The following TENM1 variants were observed in gnomAD, a reference collection of about 807,000 sequenced individuals.
TENM1 encodes teneurin-1.
Under a neutral mutation model 174.8 loss-of-function variants are expected in TENM1, and 35 were observed. That is an observed-to-expected ratio of 0.20 (90% CI 0.15 to 0.27). The LOEUF (loss-of-function observed/expected upper bound fraction) is 0.27, where lower values mean the gene tolerates loss of function less well. TENM1 is among the 10% of genes least tolerant of loss of function. TENM1 has a pLI of 1.00. For missense variants in TENM1, 1,633 were observed against 2,130.1 expected (o/e 0.77, Z 4.59); for synonymous variants, 781 against 798.7 (o/e 0.98, Z 0.37).
At chrX:125,144,013 T>G in the TENM1 span, among the ~76,000 whole-genome samples, 1 of 111,884 alleles carries the variant, frequency 8.9e-6, no homozygotes, top group Non-Finnish European at 1.9e-5. Flanking sequence ...TGTTCCCCAC[T>G]GAATTGTAGA....
At chrX:125,125,971 C>A in the TENM1 span, among the ~76,000 whole-genome samples, 1 of 111,594 alleles carries the variant, frequency 9.0e-6, no homozygotes, top group Non-Finnish European at 1.9e-5. Flanking sequence ...TATGCTAGTC[C>A]CAAAGCATTT....
At chrX:124,445,231 A>G (rs1024289339) in intron 23 of TENM1, among the ~76,000 whole-genome samples, 1 of 111,839 alleles carries the variant, frequency 8.9e-6, no homozygotes, top group Non-Finnish European at 1.9e-5. Context: ...GTGAAAGTTA[A>G]AGGAAGACAA....
At chrX:124,547,358 T>A (rs975151522) in intron 14 of TENM1, among the ~76,000 whole-genome samples, 1 of 112,127 alleles carries the variant, frequency 8.9e-6, no homozygotes, top group African/African-American at 3.2e-5. Flanking sequence ...ATAGTTTATA[T>A]AGTTATTGTT....
At chrX:124,550,081 C>T (rs779216276) in intron 14 of TENM1, among the ~76,000 whole-genome samples, 1 of 111,387 alleles carries the variant, frequency 9.0e-6, no homozygotes, top group East Asian at 2.8e-4. Context: ...GGAGGTTACA[C>T]TGACTTGAAG....
At chrX:124,750,587 G>A (rs1311122867) in intron 3 of TENM1, among the ~76,000 whole-genome samples, 1 of 111,522 alleles carries the variant, frequency 9.0e-6, no homozygotes, top group Non-Finnish European at 1.9e-5. Flanking sequence ...AGTCATTATT[G>A]TTAAGAATGT....
chrX:124,735,005 G>A (rs2053638960), intron 4 of TENM1, among the ~76,000 whole-genome samples: 1 of 111,674 alleles, frequency 9.0e-6, no homozygotes, highest in African/African-American at 3.3e-5. Flanking sequence ...AGACAGCCTA[G>A]GAAAAAACTC....
chrX:124,596,354 G>C (rs766049035), intron 11 of TENM1, among the ~76,000 whole-genome samples: 14 of 111,602 alleles, frequency 1.3e-4, no homozygotes, highest in African/African-American at 4.6e-4. Context: ...CCTTCCTTTT[G>C]ACTTTTCATT....
chrX:124,588,133 G>A (rs770840780), intron 11 of TENM1, among the ~76,000 whole-genome samples: 3 of 111,049 alleles, frequency 2.7e-5, no homozygotes, highest in South Asian at 3.8e-4. Context: ...TTAGTGTAGC[G>A]ATTTCCTCGG....
intron 6 of TENM1, among the ~76,000 whole-genome samples, chrX:124,660,665 C>A (rs1218382636): frequency 9.0e-6 from 1 of 111,693 alleles, no homozygotes; most frequent in Non-Finnish European, 1.9e-5. Context: ...ATAAAAACCA[C>A]AATGAGATAC....
the TENM1 span, among the ~76,000 whole-genome samples, chrX:125,191,881 A>C: frequency 1.8e-5 from 2 of 111,566 alleles, no homozygotes; most frequent in Non-Finnish European, 3.8e-5. Flanking sequence ...GAAGACATGA[A>C]TGGATTGGTA....
intron 3 of TENM1, among the ~76,000 whole-genome samples, chrX:124,858,938 G>C (rs745353374): frequency 9.0e-6 from 1 of 110,603 alleles, no homozygotes; most frequent in African/African-American, 3.3e-5. Flanking sequence ...ATATTTAATA[G>C]TCCCAATCAT....
At chrX:124,452,966 T>G (rs182571139) in intron 23 of TENM1, among the ~76,000 whole-genome samples, 1,314 of 110,310 alleles carry the variant, frequency 0.012, 7 homozygotes, top group Non-Finnish European at 0.018. Flanking sequence ...CATATGTAAC[T>G]AACCTGCACA....
the TENM1 span, among the ~76,000 whole-genome samples, chrX:124,975,616 T>C: frequency 8.9e-6 from 1 of 111,940 alleles, no homozygotes; most frequent in African/African-American, 3.2e-5. Context: ...GTTTCATGTA[T>C]AACAACTGGA....
At chrX:124,529,178 A>C (rs932673430) in intron 16 of TENM1, among the ~76,000 whole-genome samples, 1 of 112,022 alleles carries the variant, frequency 8.9e-6, no homozygotes, top group Admixed American at 9.5e-5. Flanking sequence ...GGTACCTTTA[A>C]GCTGGACACA....
the TENM1 span, among the ~76,000 whole-genome samples, chrX:125,086,061 C>T: frequency 1.8e-5 from 2 of 110,575 alleles, no homozygotes; most frequent in African/African-American, 3.3e-5. Flanking sequence ...ATGGTTTATA[C>T]TTGCCTCCCA....
the TENM1 span, among the ~76,000 whole-genome samples, chrX:125,071,846 T>A: frequency 3.0e-4 from 33 of 111,276 alleles, no homozygotes; most frequent in Middle Eastern, 4.7e-3. Context: ...AGTTTCAAAC[T>A]CTATATTCAT....
At chrX:124,781,967 T>C (rs1243945466) in intron 3 of TENM1, among the ~76,000 whole-genome samples, 1 of 111,724 alleles carries the variant, frequency 9.0e-6, no homozygotes, top group Non-Finnish European at 1.9e-5. Flanking sequence ...GATAACTGTA[T>C]ACATATGACT....
At chrX:124,451,451 C>T (rs1056845363) in intron 23 of TENM1, among the ~76,000 whole-genome samples, 3 of 111,834 alleles carry the variant, frequency 2.7e-5, no homozygotes, top group Non-Finnish European at 5.6e-5. Context: ...AAAGAGACTT[C>T]GTAGTCACTA....
intron 23 of TENM1, among the ~76,000 whole-genome samples, chrX:124,423,828 G>T (rs1395695011): frequency 2.7e-5 from 3 of 111,751 alleles, no homozygotes; most frequent in Non-Finnish European, 5.6e-5. Flanking sequence ...GGACTAAATT[G>T]TGTCCTCCCC....
Sources: allele counts gnomAD v4.1 joint callset (sites outside exome capture counted in the v4.1 genomes callset), GRCh38; gene constraint gnomAD v4.1.1; transcripts MANE v1.5; gene names NCBI Gene and HGNC (gene_info 2026-07-23, HGNC 2026-07-21).